Variants in GPC6 observed in about 807,000 individuals in gnomAD.
GPC6 encodes glypican 6, also known as glypican-6.
Under a neutral mutation model 55.2 loss-of-function variants are expected in GPC6, and 14 were observed. The observed-to-expected ratio is 0.25, with a 90% CI of 0.17 to 0.40. GPC6 has a LOEUF of 0.40. Ranked by LOEUF, GPC6 falls within the 10% of genes least tolerant of loss-of-function variation. The pLI is 1.00. For synonymous variants in GPC6, 278 were observed against 259.6 expected (o/e 1.07, Z -0.68); for missense variants, 641 against 708.5 (o/e 0.90, Z 1.08).
chr13:93,910,270 C>A (rs1876896013), intron 3 of GPC6, among the ~76,000 whole-genome samples: 1 of 152,062 alleles, frequency 6.6e-6, no homozygotes, highest in Non-Finnish European at 1.5e-5. Context: ...CAGAGTTTCC[C>A]TGCACCAGCT....
intron 2 of GPC6, among the ~76,000 whole-genome samples, chr13:93,783,860 TC>T (rs1885737468): frequency 6.6e-6 from 1 of 152,212 alleles, no homozygotes; most frequent in African/African-American, 2.4e-5. Flanking sequence ...TATGTGAAAG[TC>T]ATTCATTCTT....
intron 2 of GPC6, among the ~76,000 whole-genome samples, chr13:93,680,223 T>C (rs1881798313): frequency 6.6e-6 from 1 of 151,760 alleles, no homozygotes; most frequent in Non-Finnish European, 1.5e-5. Flanking sequence ...GAGACACAAA[T>C]GGAAGGAAGA....
rs1424436569 is a variant in GPC6 at position 93,980,749 on chromosome 13, G to A, written c.712-46980G>A. Among the ~76,000 whole-genome samples, 3 of 152,222 alleles carry A rather than the reference G, an allele frequency of 2.0e-5. No homozygotes were observed. In the East Asian group the frequency reaches 5.8e-4, roughly 29 times the overall value. On this transcript the variant is annotated intron_variant, in intron 3 of 8. Transcript: ENST00000377047. ...TGTCTTTTGTGTGTTTGGATATGGG[G>A]GTACAAATGTCTGGCCCCTTTGCCC...
At chr13:93,632,430 C>G (rs543165317) in intron 2 of GPC6, among the ~76,000 whole-genome samples, 1 of 151,512 alleles carries the variant, frequency 6.6e-6, no homozygotes, top group Non-Finnish European at 1.5e-5. Context: ...AGCAACATGG[C>G]GAAATTCATC....
At chr13:93,592,412 T>G (rs1303730763) in intron 2 of GPC6, among the ~76,000 whole-genome samples, 1 of 147,408 alleles carries the variant, frequency 6.8e-6, no homozygotes, top group Admixed American at 6.8e-5. Flanking sequence ...AATATAAATA[T>G]ATAAATATAT....
chr13:94,117,194 C>A (rs1886465093), intron 4 of GPC6, among the ~76,000 whole-genome samples: 1 of 152,090 alleles, frequency 6.6e-6, no homozygotes, highest in African/African-American at 2.4e-5. Context: ...ATTTATAATG[C>A]ACAGGAAAAT....
chr13:93,849,435 C>G (rs182060558), intron 3 of GPC6, among the ~76,000 whole-genome samples: 4 of 152,006 alleles, frequency 2.6e-5, no homozygotes, highest in Non-Finnish European at 5.9e-5. Context: ...GAATATCCAG[C>G]TCGAAAGACA....
intron 1 of GPC6, among the ~76,000 whole-genome samples, chr13:93,385,988 A>G (rs1178607893): frequency 1.3e-5 from 2 of 151,712 alleles, no homozygotes; most frequent in African/African-American, 2.4e-5. Context: ...GAAGGGTCCA[A>G]TGGCATTTCA....
Position 93,631,754 on chromosome 13 carries a change from G to A in GPC6, c.319+86333G>A, listed in dbSNP as rs1035765567. On this transcript the variant is annotated intron_variant, in intron 2 of 8. Transcript: ENST00000377047. The stretch of plus-strand genomic sequence containing the variant: ...TATACCACTGTATGTGTTCCCCATG[G>A]CATCTAGCATACTTCCTCAAACTCA... Among the ~76,000 whole-genome samples, 29 of 152,226 alleles carry A rather than the reference G, an allele frequency of 1.9e-4. 1 individual carries two copies. Among genetic ancestry groups the A allele is most frequent in the African/African-American group, 6.7e-4 (28 of 41,550 alleles).
intron 2 of GPC6, among the ~76,000 whole-genome samples, chr13:93,796,195 A>C (rs1886192943): frequency 7.0e-6 from 1 of 142,838 alleles, no homozygotes; most frequent in Non-Finnish European, 1.5e-5. Flanking sequence ...GACCCTGTTG[A>C]AAAAAAAAGG....
At chr13:94,248,594 CAT>C (rs766037430) in intron 4 of GPC6, among the ~76,000 whole-genome samples, 2 of 152,006 alleles carry the variant, frequency 1.3e-5, no homozygotes, top group Non-Finnish European at 2.9e-5. Flanking sequence ...AAATAATACA[CAT>C]GTGACCTTCA....
chr13:94,173,579 T>C (rs1888647033), intron 4 of GPC6, among the ~76,000 whole-genome samples: 1 of 152,160 alleles, frequency 6.6e-6, no homozygotes, highest in Non-Finnish European at 1.5e-5. Flanking sequence ...CATGTTGGTA[T>C]AAAGGAGAGG....
intron 1 of GPC6, among the ~76,000 whole-genome samples, chr13:93,269,243 T>C (rs1324959569): frequency 1.3e-5 from 2 of 152,118 alleles, no homozygotes; most frequent in South Asian, 2.1e-4. Flanking sequence ...TTGGAAATAA[T>C]CTAATGTTGT....
chr13:93,895,142 A>T (rs542940741), intron 3 of GPC6, among the ~76,000 whole-genome samples: 9 of 147,024 alleles, frequency 6.1e-5, no homozygotes, highest in South Asian at 2.2e-4. Flanking sequence ...CTATATATAT[A>T]TTTTCACCTC....
intron 1 of GPC6, among the ~76,000 whole-genome samples, chr13:93,363,986 G>GT (rs1408954939): frequency 3.3e-5 from 5 of 152,014 alleles, no homozygotes; most frequent in East Asian, 1.9e-4. Flanking sequence ...GGGATTGTTT[G>GT]TTTTTTTCTT....
intron 1 of GPC6, among the ~76,000 whole-genome samples, chr13:93,438,603 A>C (rs76908972): frequency 0.029 from 4,435 of 152,294 alleles, 222 homozygotes; most frequent in African/African-American, 0.1. Flanking sequence ...CTGCAATCTC[A>C]TGATAAAATA....
chr13:93,267,321 A>G (rs1877356927), intron 1 of GPC6, among the ~76,000 whole-genome samples: 1 of 152,026 alleles, frequency 6.6e-6, no homozygotes, highest in Non-Finnish European at 1.5e-5. Context: ...ATATGCACCA[A>G]TGCCATTAAA....
intron 1 of GPC6, among the ~76,000 whole-genome samples, chr13:93,274,752 G>A (rs1240772423): frequency 2.0e-5 from 3 of 152,040 alleles, no homozygotes; most frequent in East Asian, 1.9e-4. Flanking sequence ...TATCGCTTTC[G>A]TAAATATAGT....
chr13:93,625,976 C>G (rs887489331), intron 2 of GPC6, among the ~76,000 whole-genome samples: 1 of 152,022 alleles, frequency 6.6e-6, no homozygotes, highest in Non-Finnish European at 1.5e-5. Flanking sequence ...ACAGTCAGTT[C>G]TGCTATAATG....
Sources: allele counts gnomAD v4.1 joint callset (sites outside exome capture counted in the v4.1 genomes callset), GRCh38; gene constraint gnomAD v4.1.1; transcripts MANE v1.5; gene names NCBI Gene and HGNC (gene_info 2026-07-23, HGNC 2026-07-21).